The following FKBP6 variants were observed in gnomAD, a reference collection of about 807,000 sequenced individuals.
FKBP6 encodes the protein FKBP prolyl isomerase family member 6 (inactive), also known as inactive peptidyl-prolyl cis-trans isomerase FKBP6.
A neutral mutation model predicts 41.7 loss-of-function variants in FKBP6; 29 were observed. That is an observed-to-expected ratio of 0.70 (90% confidence interval 0.52 to 0.95). FKBP6 has a LOEUF of 0.95. Among genes scored for constraint, FKBP6 ranks in the 40% least tolerant of loss-of-function variants. FKBP6 has a pLI of 0.00. For synonymous variants in FKBP6, 130 were observed against 165.1 expected (o/e 0.79, Z 1.63); for missense variants, 338 against 408.7 (o/e 0.83, Z 1.49).
At chr7:73,336,334 T>C (rs1224983770) in intron 5 of FKBP6, among the ~76,000 whole-genome samples, 1 of 152,164 alleles carries the variant, frequency 6.6e-6, no homozygotes, top group African/African-American at 2.4e-5. Flanking sequence ...AGTTGGTAGA[T>C]TCCTAGTCAG....
intron 8 of FKBP6, among the ~76,000 whole-genome samples, chr7:73,346,695 G>A (rs922253067): frequency 6.6e-6 from 1 of 152,188 alleles, no homozygotes; most frequent in Non-Finnish European, 1.5e-5. Flanking sequence ...TGAGTAAGAG[G>A]TGATGGCAGC....
At chr7:73,345,674 C>T (rs1554550186) in intron 8 of FKBP6, among the ~76,000 whole-genome samples, 1 of 152,158 alleles carries the variant, frequency 6.6e-6, no homozygotes, top group Non-Finnish European at 1.5e-5. Context: ...TAACATACAA[C>T]AGGTGAAATT....
In FKBP6 at chr7:73,358,612, C is replaced by T. The variant is rs781817097; in HGVS notation, c.*434C>T. Reference sequence around the variant, plus strand: ...TTTGTTGTAAATAAATAAAACACTTCCTTGTCCTTGCAAGATCCAGTATAA... The same window carrying T: ...TTTGTTGTAAATAAATAAAACACTTTCTTGTCCTTGCAAGATCCAGTATAA... On this transcript the variant is annotated 3_prime_UTR_variant, in exon 9 of 9. Coordinates refer to ENST00000252037, the MANE Select transcript of FKBP6 (RefSeq NM_003602.5). 2 of 152,720 alleles carry T rather than the reference C, an allele frequency of 1.3e-5. No homozygotes were observed. Among genetic ancestry groups the T allele is most frequent in the East Asian group, 1.9e-4 (1 of 5,184 alleles). The allele number at this position is 152,720 out of a possible 1,614,324, so 9.5% of individuals were successfully genotyped here. A position where few individuals can be genotyped will look rare whatever the true frequency, so the allele number is the denominator to read the frequency against.
intron 5 of FKBP6, among the ~76,000 whole-genome samples, chr7:73,336,467 A>G (rs1008901213): frequency 2.0e-5 from 3 of 152,130 alleles, no homozygotes; most frequent in African/African-American, 7.2e-5. Context: ...ACTGAGGAAG[A>G]GTGTGTTGAT....
chr7:73,330,883 C>T (rs1332624629), intron 4 of FKBP6, among the ~76,000 whole-genome samples: 3 of 152,206 alleles, frequency 2.0e-5, no homozygotes, highest in Admixed American at 2.0e-4. Flanking sequence ...TTAACCCTGT[C>T]CCGTAGATGC....
intron 5 of FKBP6, among the ~76,000 whole-genome samples, chr7:73,338,100 A>G (rs1389528694): frequency 6.6e-6 from 1 of 152,100 alleles, no homozygotes; most frequent in Non-Finnish European, 1.5e-5. Flanking sequence ...ATCTCGGCTC[A>G]CTGCAACCTC....
At chr7:73,338,877 C>T (rs1554548977) in intron 5 of FKBP6, among the ~76,000 whole-genome samples, 2 of 152,230 alleles carry the variant, frequency 1.3e-5, no homozygotes, top group African/African-American at 4.8e-5. Flanking sequence ...ACTACACCCT[C>T]AACAAACACA....
intron 5 of FKBP6, 28 bp downstream of exon 5, chr7:73,331,804 A>C: frequency 1.9e-6 from 3 of 1,604,846 alleles, no homozygotes; most frequent in Non-Finnish European, 1.7e-6. Flanking sequence ...GTTAAGTGTA[A>C]GTTTAGATCC....
chr7:73,340,940 T>G, intron 6 of FKBP6, 108 bp downstream of exon 6: 2 of 807,282 alleles, frequency 2.5e-6, no homozygotes, highest in Non-Finnish European at 4.0e-6. Flanking sequence ...TTTTTTTTTT[T>G]TAGACAGAGT....
At chr7:73,345,560 C>T (rs782660182) in intron 8 of FKBP6, among the ~76,000 whole-genome samples, 2 of 152,200 alleles carry the variant, frequency 1.3e-5, no homozygotes, top group Non-Finnish European at 2.9e-5. Context: ...TTTTGTCCTT[C>T]CTATCCTGAC....
At chr7:73,332,630 T>C (rs1317667780) in intron 5 of FKBP6, among the ~76,000 whole-genome samples, 2 of 152,100 alleles carry the variant, frequency 1.3e-5, no homozygotes, top group Non-Finnish European at 2.9e-5. Context: ...CACCTGGGAA[T>C]GTTCTGTGTT....
rs536707658 is a variant in FKBP6 at position 73,330,330 on chromosome 7, A to C, written c.446A>C (p.Asp149Ala). 6.2e-7 allele frequency: 1 copy of C among 1,613,938 alleles called. No individual in the cohort carries two copies. The highest frequency in any genetic ancestry group is 1.3e-5 in the African/African-American group (1 of 75,032). ...GACTTCCTGGACTGTGCTGAGTCAG[A>C]CAAGTTTTGTGCTCTCTCAGCTGTA... is the stretch of plus-strand genomic sequence containing the variant. ...LLDFLDCAES[D>A]KFCALSAEQQ... Residue 149 changes from aspartate to alanine, a missense_variant, in exon 4 of 9, where the codon GAC becomes GCC. Physicochemically the swap from Asp to Ala is moderately radical, Grantham distance 126. Transcript: ENST00000252037.
rs975776720 is a variant in FKBP6, at chr7:73,331,711, C to T, written c.523C>T (p.Arg175Trp). The stretch of plus-strand genomic sequence containing the variant: ...GGTCCTGAAAGTGGCAGCTACGGAA[C>T]GGGAGTTTGGCAACTACCTTTTCCG... Reference protein sequence around the residue: ...QKVLKVAATEREFGNYLFRQN... With the variant: ...QKVLKVAATEWEFGNYLFRQN... Residue 175 changes from arginine to tryptophan, a missense_variant, in exon 5 of 9, where the codon CGG (arginine) becomes TGG (tryptophan). Coordinates refer to ENST00000252037, the MANE Select transcript of FKBP6 (RefSeq NM_003602.5). 37 of 1,613,604 alleles carry T rather than the reference C, an allele frequency of 2.3e-5. No individual in the cohort carries two copies. The highest frequency in any genetic ancestry group is 3.1e-5 in the Non-Finnish European group (36 of 1,179,662).
chr7:73,329,289 TGA>T (rs1340073166), intron 2 of FKBP6, 69 bp from the exon 3 acceptor site: 8 of 875,202 alleles, frequency 9.1e-6, no homozygotes, highest in Admixed American at 1.7e-5. Flanking sequence ...TGTGTGATCA[TGA>T]GAGACTCGAT....
At chr7:73,350,615 T>G (rs782516717) in intron 8 of FKBP6, among the ~76,000 whole-genome samples, 2 of 152,126 alleles carry the variant, frequency 1.3e-5, no homozygotes, top group Admixed American at 1.3e-4. Context: ...TTGGCCAGCC[T>G]TGGGGAAAGA....
chr7:73,333,617 T>C (rs916508014), intron 5 of FKBP6, among the ~76,000 whole-genome samples: 13 of 152,188 alleles, frequency 8.5e-5, no homozygotes, highest in Non-Finnish European at 2.9e-5. Flanking sequence ...AGAATCTCCC[T>C]GGGGCCCGCC....
At chr7:73,337,758 G>A (rs1467196305) in intron 5 of FKBP6, among the ~76,000 whole-genome samples, 2 of 151,968 alleles carry the variant, frequency 1.3e-5, no homozygotes, top group Non-Finnish European at 2.9e-5. Flanking sequence ...TGCTTTTAAA[G>A]TGTCCAATTC....
At chr7:73,328,792 G>A in intron 2 of FKBP6, 100 bp downstream of exon 2, 1 of 1,602,126 alleles carries the variant, frequency 6.2e-7, no homozygotes, top group Non-Finnish European at 8.5e-7. Flanking sequence ...GGTTGGAAAT[G>A]CTTTGTTTGA....
At chr7:73,341,171 G>A (rs567116431) in intron 6 of FKBP6, 102 bp from the exon 7 acceptor site, 71 of 855,634 alleles carry the variant, frequency 8.3e-5, no homozygotes, top group Non-Finnish European at 1.3e-4. Context: ...TGATCCGCCC[G>A]CCTTGGCCTC....
Sources: gnomAD v4.1 joint callset for allele counts (sites outside exome capture counted in the v4.1 genomes callset) on GRCh38, gnomAD v4.1.1 for gene constraint, MANE v1.5 for transcripts, NCBI Gene and HGNC (gene_info 2026-07-23, HGNC 2026-07-21) for gene names.